Variants in LAMB4 observed in about 807,000 individuals in gnomAD.
LAMB4 encodes laminin subunit beta-4.
Under a neutral mutation model 199.2 loss-of-function variants are expected in LAMB4, and 196 were observed. The ratio of observed to expected loss-of-function variants is 0.98; its 90% confidence interval spans 0.88 to 1.11. The LOEUF (loss-of-function observed/expected upper bound fraction) is 1.11. Among genes scored for constraint, LAMB4 ranks in the 50% least tolerant of loss-of-function variants. The probability of loss-of-function intolerance (pLI) is 0.00; values close to 1 mark genes in which losing one functional copy is unlikely to be tolerated. For missense variants in LAMB4, 2,080 were observed against 2,171.2 expected, an observed-to-expected ratio of 0.96 and a Z score of 0.83; for synonymous variants, 744 against 770.6, an observed-to-expected ratio of 0.97 and a Z score of 0.57.
Position 108,077,069 on chromosome 7 carries a change from A to G in LAMB4, c.2004-5T>C. 1 of 1,612,198 alleles carries G rather than the reference A, an allele frequency of 6.2e-7. No homozygotes were observed. Among genetic ancestry groups the G allele is most frequent in the South Asian group, 1.1e-5 (1 of 90,776 alleles). ...GGTGTGGGAAGCAGCATGATTCTGT[A>G]TTAAGAAAGATAAAGCAAAAATTCA... is the stretch of plus-strand genomic sequence containing the variant. On this transcript the variant is annotated splice_region_variant and splice_polypyrimidine_tract_variant and intron_variant, in intron 16 of 33. Transcript: ENST00000388781.
intron 14 of LAMB4, among the ~76,000 whole-genome samples, chr7:108,090,348 C>T (rs1223858292): frequency 6.6e-6 from 1 of 152,118 alleles, no homozygotes; most frequent in Non-Finnish European, 1.5e-5. Context: ...TAATATCAAT[C>T]CCACCTTGAA....
rs1563024848 is a variant in LAMB4 at position 108,025,435 on chromosome 7, T to TG, written c.5147-1258_5147-1257insC. On this transcript the variant is annotated intron_variant, in intron 33 of 33. Coordinates refer to ENST00000388781, the MANE Select transcript of LAMB4 (RefSeq NM_007356.3). ...TTTCTTTCTTCTTTCTTTCTTTCTT[T>TG]TTTTTTTTTTGAGACAGAGTTTTGC... 6.2e-5 allele frequency among the ~76,000 whole-genome samples: 7 copies of TG among 112,212 alleles called. 1 individual carries two copies. Among genetic ancestry groups the TG allele is most frequent in the African/African-American group, 5.3e-4 (6 of 11,282 alleles). The allele number at this position is 112,212 out of a possible 152,430, so 73.6% of individuals were successfully genotyped here. A position where few individuals can be genotyped will look rare whatever the true frequency, so the allele number is the denominator to read the frequency against.
rs2036327175 is a variant in LAMB4 at position 108,066,024 on chromosome 7, T to C, written c.2679-105A>G. Reference sequence around the variant, plus strand: ...AAACAGTGCACCTCTGAAAACTGAATATTTTAGAAGATGTTCATTTGCTCT... The same window carrying C: ...AAACAGTGCACCTCTGAAAACTGAACATTTTAGAAGATGTTCATTTGCTCT... On this transcript the variant is annotated intron_variant, in intron 20 of 33. Coordinates refer to ENST00000388781, the MANE Select transcript of LAMB4 (RefSeq NM_007356.3). The C allele has an allele frequency of 3.5e-6, 4 of 1,133,046 alleles. No individual in the cohort carries two copies. In the South Asian group the frequency reaches 6.3e-5, roughly 18 times the overall value. The allele number at this position is 1,133,046 out of a possible 1,614,324, so 70.2% of individuals were successfully genotyped here. A position where few individuals can be genotyped will look rare whatever the true frequency, so the allele number is the denominator to read the frequency against.
rs1319267949 is a variant in LAMB4, at chr7:108,076,980, T to C, written c.2088A>G (p.Gly696=). Residue 696 remains glycine (G), a synonymous_variant, in exon 17 of 34, where the codon GGA becomes GGG. Coordinates refer to ENST00000388781, the MANE Select transcript of LAMB4 (RefSeq NM_007356.3). ...IDVYFSQPLQ[G]ESHAHSHVLV... ...GGACATGTGAATGAGCGTGGGACTCTCCTTGCAAAGGCTGAGAAAAATAGA... is the reference window on the plus strand; with the variant it reads ...GGACATGTGAATGAGCGTGGGACTCCCCTTGCAAAGGCTGAGAAAAATAGA... 6.2e-7 allele frequency: 1 copy of C among 1,614,128 alleles called. No individual in the cohort carries two copies. The highest frequency in any genetic ancestry group is 2.2e-5 in the East Asian group (1 of 44,884).
Position 108,103,110 on chromosome 7 carries a change from C to A in LAMB4, c.1114G>T (p.Asp372Tyr). 6.2e-7 allele frequency: 1 copy of A among 1,613,736 alleles called. No homozygotes were observed. Among genetic ancestry groups the A allele is most frequent in the South Asian group, 1.1e-5 (1 of 91,000 alleles). The change falls in exon 10 of 34, where the codon GAC (aspartate) becomes TAC (tyrosine). Residue 372 changes from aspartate to tyrosine, a missense_variant. Physicochemically the swap from Asp to Tyr is radical, Grantham distance 160. Coordinates refer to ENST00000388781, the MANE Select transcript of LAMB4 (RefSeq NM_007356.3). ...CQHNTEGQHC[D>Y]RCRPLFYRDP... ...CTGTAGAAGAGGGGTCTGCAGCGGT[C>A]GCAGTGCTGCCCCTCAGTGTTGTGC... is the stretch of plus-strand genomic sequence containing the variant.
At chr7:108,012,721 A>AG in the LAMB4 span, among the ~76,000 whole-genome samples, 1 of 152,226 alleles carries the variant, frequency 6.6e-6, no homozygotes, top group African/African-American at 2.4e-5. Flanking sequence ...GTCAGCATAT[A>AG]GGCTCTTAGT....
At chr7:108,047,800 C>T in intron 28 of LAMB4, 108 bp downstream of exon 28, 1 of 856,460 alleles carries the variant, frequency 1.2e-6, no homozygotes, top group Non-Finnish European at 1.9e-6. Flanking sequence ...CACCAACTAT[C>T]TAGAATCTAT....
chr7:108,048,161 T>TGC, intron 27 of LAMB4, 50 bp from the exon 28 acceptor site: 1 of 765,090 alleles, frequency 1.3e-6, no homozygotes. Context: ...GTCAGAGCTT[T>TGC]TTTTTTTTTT....
chr7:108,034,715 G>A (rs527839979), intron 30 of LAMB4, among the ~76,000 whole-genome samples: 14 of 152,254 alleles, frequency 9.2e-5, no homozygotes, highest in African/African-American at 3.4e-4. Context: ...CTATTGGAGT[G>A]GGGGTTGGGA....
At chr7:108,108,453 C>A (rs2038102515) in intron 5 of LAMB4, among the ~76,000 whole-genome samples, 1 of 152,180 alleles carries the variant, frequency 6.6e-6, no homozygotes, top group African/African-American at 2.4e-5. Flanking sequence ...TTTCCTCTGG[C>A]AAACTCTTAT....
In LAMB4 at chr7:108,023,948, T is replaced by C; in HGVS notation, c.*91A>G. 1 of 1,066,250 alleles carries C rather than the reference T, an allele frequency of 9.4e-7. No individual in the cohort carries two copies. Among genetic ancestry groups the C allele is most frequent in the Non-Finnish European group, 1.3e-6 (1 of 757,398 alleles). The allele number at this position is 1,066,250 out of a possible 1,614,324, so 66.0% of individuals were successfully genotyped here. A position where few individuals can be genotyped will look rare whatever the true frequency, so the allele number is the denominator to read the frequency against. On this transcript the variant is annotated 3_prime_UTR_variant, in exon 34 of 34. Transcript: ENST00000388781. ...GTGTGGGGAAGGAAGGTAGAAGACA[T>C]TGTCAGTATTTCACAGGTTCAACAG...
At position 108,095,326 on chromosome 7, in the gene LAMB4, T is replaced by C. The variant is rs1368345915; in HGVS notation, c.1372A>G (p.Asn458Asp). 6.2e-7 allele frequency: 1 copy of C among 1,613,080 alleles called. No individual in the cohort carries two copies. Among genetic ancestry groups the C allele is most frequent in the Admixed American group, 1.7e-5 (1 of 60,018 alleles). The change falls in exon 12 of 34, where the codon AAC becomes GAC. Residue 458 changes from asparagine to aspartate, a missense_variant. Coordinates refer to ENST00000388781, the MANE Select transcript of LAMB4 (RefSeq NM_007356.3). The part of the protein sequence containing the change: ...DPLGCQPCDC[N>D]PLGSLPFLTC... ...AAGAATGGCAGACTCCCAAGGGGGT[T>C]ACAGTCGCAGGCTGAAAGCACAGCA... is the stretch of plus-strand genomic sequence containing the variant.
intron 12 of LAMB4, among the ~76,000 whole-genome samples, chr7:108,094,104 C>T (rs746348061): frequency 6.6e-6 from 1 of 152,188 alleles, no homozygotes; most frequent in Non-Finnish European, 1.5e-5. Flanking sequence ...GGACAGTTCC[C>T]CCATGGGGGG....
chr7:108,092,769 T>G (rs915811298), intron 12 of LAMB4, among the ~76,000 whole-genome samples: 1 of 152,026 alleles, frequency 6.6e-6, no homozygotes, highest in Non-Finnish European at 1.5e-5. Context: ...TGCCTGGGTG[T>G]GGTGCATGCC....
the LAMB4 span, among the ~76,000 whole-genome samples, chr7:108,018,511 G>A: frequency 6.6e-6 from 1 of 152,076 alleles, no homozygotes; most frequent in African/African-American, 2.4e-5. Flanking sequence ...AGGCCGAGGT[G>A]GGTGGATCAT....
At chr7:108,018,344 G>A in the LAMB4 span, among the ~76,000 whole-genome samples, 3 of 152,208 alleles carry the variant, frequency 2.0e-5, no homozygotes, top group Admixed American at 2.0e-4. Flanking sequence ...GTAAGAGACT[G>A]GACATGGAGG....
chr7:108,081,708 T>C (rs145235628), intron 14 of LAMB4, among the ~76,000 whole-genome samples: 1 of 152,278 alleles, frequency 6.6e-6, no homozygotes, highest in Non-Finnish European at 1.5e-5. Flanking sequence ...GATGTAATGA[T>C]ACAATTGCTA....
chr7:108,039,876 A>AC (rs1458487835), intron 29 of LAMB4, among the ~76,000 whole-genome samples: 4 of 152,212 alleles, frequency 2.6e-5, no homozygotes, highest in African/African-American at 7.2e-5. Flanking sequence ...GCCCTCTCTT[A>AC]CCACTCCTGT....
At chr7:108,071,820 CA>C (rs2036545019) in intron 17 of LAMB4, among the ~76,000 whole-genome samples, 2 of 152,180 alleles carry the variant, frequency 1.3e-5, no homozygotes, top group Admixed American at 1.3e-4. Flanking sequence ...TTGCCACACC[CA>C]ATTCATTTTC....
Sources: gnomAD v4.1 joint callset for allele counts (sites outside exome capture counted in the v4.1 genomes callset) on GRCh38, gnomAD v4.1.1 for gene constraint, MANE v1.5 for transcripts, NCBI Gene and HGNC (gene_info 2026-07-23, HGNC 2026-07-21) for gene names.